Variants in RASSF3 observed in about 807,000 individuals in gnomAD.
RASSF3 encodes Ras association domain family member 3, also known as ras association domain-containing protein 3.
RASSF3 carries 19 observed loss-of-function variants against 19.9 expected under a neutral mutation model. The ratio of observed to expected loss-of-function variants is 0.96; its 90% CI spans 0.67 to 1.40. The LOEUF is 1.40. Ranked by LOEUF, RASSF3 falls within the 40% of genes most tolerant of loss-of-function variation. The probability of loss-of-function intolerance (pLI) is 0.00; values close to 1 mark genes in which losing one functional copy is unlikely to be tolerated. For synonymous variants in RASSF3, 110 were observed against 104.2 expected (o/e 1.06, Z -0.34); for missense variants, 306 against 289.8 (o/e 1.06, Z -0.41).
chr12:64,511,845 G>C (rs928285072), intron 1 of RASSF3, among the ~76,000 whole-genome samples: 8 of 152,110 alleles, frequency 5.3e-5, no homozygotes, highest in African/African-American at 1.9e-4. Flanking sequence ...AAAAATCAGA[G>C]CTAGAAGACC....
chr12:64,610,171 C>T (rs969372714), upstream of RASSF3, among the ~76,000 whole-genome samples: 1 of 152,194 alleles, frequency 6.6e-6, no homozygotes, highest in Non-Finnish European at 1.5e-5. Context: ...GCCAGCGAGG[C>T]TGGGGGCGGG....
upstream of RASSF3, among the ~76,000 whole-genome samples, chr12:64,607,835 C>T (rs756201838): frequency 2.0e-5 from 3 of 152,130 alleles, no homozygotes; most frequent in Non-Finnish European, 4.4e-5. Flanking sequence ...TAGTTCATTA[C>T]AGCCTCAAAC....
chr12:64,546,095 C>CAAAA (rs34666595), downstream of RASSF3, among the ~76,000 whole-genome samples: 95 of 59,382 alleles, frequency 1.6e-3, no homozygotes, highest in Non-Finnish European at 1.8e-3. Flanking sequence ...GACTCCGTCT[C>CAAAA]AAAAAAAAAA....
At chr12:64,544,222 A>C (rs1257536697), downstream of RASSF3, among the ~76,000 whole-genome samples, 1 of 151,910 alleles carries the variant, frequency 6.6e-6, no homozygotes. Flanking sequence ...TCGTGAAGCC[A>C]TCGAGACCAC....
intron 1 of RASSF3, among the ~76,000 whole-genome samples, chr12:64,621,770 C>A (rs1870778403): frequency 6.6e-6 from 1 of 152,212 alleles, no homozygotes; most frequent in Non-Finnish European, 1.5e-5. Context: ...CCGTGCCCGG[C>A]CCAGGCATTT....
chr12:64,563,571 A>G (rs1869382814), intron 2 of RASSF3, among the ~76,000 whole-genome samples: 1 of 152,214 alleles, frequency 6.6e-6, no homozygotes, highest in Admixed American at 6.5e-5. Context: ...AAGGCCCTCA[A>G]GATCTAGCCC....
At chr12:64,588,271 A>G (rs765790801) in intron 2 of RASSF3, among the ~76,000 whole-genome samples, 6 of 152,220 alleles carry the variant, frequency 3.9e-5, no homozygotes, top group Non-Finnish European at 8.8e-5. Flanking sequence ...TGAATTGTCT[A>G]GTCAACTGTA....
chr12:64,554,385 AC>A (rs1169829395), intron 2 of RASSF3, among the ~76,000 whole-genome samples: 2 of 152,188 alleles, frequency 1.3e-5, no homozygotes, highest in East Asian at 1.9e-4. Context: ...GCTCACTGCA[AC>A]CTTTGCCTCC....
intron 1 of RASSF3, among the ~76,000 whole-genome samples, chr12:64,675,473 T>G (rs190464048): frequency 6.6e-6 from 1 of 152,230 alleles, no homozygotes; most frequent in African/African-American, 2.4e-5. Flanking sequence ...GCAGGATTTC[T>G]TAGAGTCTTT....
intron 1 of RASSF3, among the ~76,000 whole-genome samples, chr12:64,638,170 TAGAA>T (rs886185191): frequency 3.3e-5 from 5 of 152,200 alleles, no homozygotes; most frequent in Admixed American, 2.0e-4. Flanking sequence ...AAGATTATAA[TAGAA>T]AGGAATTATT....
intron 2 of RASSF3, among the ~76,000 whole-genome samples, chr12:64,597,373 C>T (rs1170654107): frequency 2.0e-5 from 3 of 151,970 alleles, no homozygotes; most frequent in African/African-American, 7.3e-5. Flanking sequence ...CCTCGTGATC[C>T]ACCTGCCTCA....
intron 3 of RASSF3, among the ~76,000 whole-genome samples, 199 bp downstream of exon 3, chr12:64,688,652 C>G (rs562781203): frequency 6.6e-6 from 1 of 151,616 alleles, no homozygotes; most frequent in Non-Finnish European, 1.5e-5. Flanking sequence ...AGTTGAGGGT[C>G]TGAGGAGCTT....
chr12:64,512,737 T>C (rs549465747), intron 1 of RASSF3, among the ~76,000 whole-genome samples: 1 of 152,306 alleles, frequency 6.6e-6, no homozygotes, highest in South Asian at 2.1e-4. Flanking sequence ...TAACATTCTC[T>C]CTGCTTAAGG....
intron 2 of RASSF3, among the ~76,000 whole-genome samples, chr12:64,567,883 G>A (rs17100445): frequency 0.015 from 2,216 of 152,296 alleles, 53 homozygotes; most frequent in African/African-American, 0.05. Context: ...CCTTTCCATC[G>A]GGCAGGGTGA....
At chr12:64,593,433 C>A (rs1446465559) in intron 2 of RASSF3, among the ~76,000 whole-genome samples, 2 of 152,120 alleles carry the variant, frequency 1.3e-5, no homozygotes, top group African/African-American at 4.8e-5. Context: ...TGTTGCCCAG[C>A]TGGTCTTGAA....
At chr12:64,693,278 C>T (rs1868311109) in intron 4 of RASSF3, among the ~76,000 whole-genome samples, 1 of 151,778 alleles carries the variant, frequency 6.6e-6, no homozygotes, top group Non-Finnish European at 1.5e-5. Flanking sequence ...CTTTTCTCTA[C>T]ACCATCAGAC....
rs536373832 is a variant in RASSF3, at chr12:64,617,261, T to C, written c.111+6518T>C. Among the ~76,000 whole-genome samples the C allele has an allele frequency of 3.9e-5, 6 of 152,370 alleles. No individual in the cohort carries two copies. The South Asian group carries it at 1.0e-3, about 26-fold the overall frequency. Reference sequence around the variant, plus strand: ...TACTGGTTAAGCATAACTCACTTTATATACTTTCCCCTTGTTTTAAGAAAA... The same window carrying C: ...TACTGGTTAAGCATAACTCACTTTACATACTTTCCCCTTGTTTTAAGAAAA... On this transcript the variant is annotated intron_variant, in intron 1 of 4. Transcript: ENST00000542104.
At chr12:64,538,995 G>A (rs4964112) in intron 1 of RASSF3, among the ~76,000 whole-genome samples, 23,038 of 152,022 alleles carry the variant, frequency 0.15, 2,279 homozygotes, top group African/African-American at 0.28. Flanking sequence ...GCAGTGAGCC[G>A]ACATCATGCC....
chr12:64,634,887 C>T (rs1200366818), intron 1 of RASSF3, among the ~76,000 whole-genome samples: 1 of 150,436 alleles, frequency 6.6e-6, no homozygotes, highest in Non-Finnish European at 1.5e-5. Flanking sequence ...CATGTTATGA[C>T]AAGTTAGTAC....
Sources: allele counts gnomAD v4.1 joint callset (sites outside exome capture counted in the v4.1 genomes callset), GRCh38; gene constraint gnomAD v4.1.1; transcripts MANE v1.5; gene names NCBI Gene and HGNC (gene_info 2026-07-23, HGNC 2026-07-21).